Variants in NME8 observed in about 807,000 individuals in gnomAD.
NME8 encodes protein NME8.
Under a neutral mutation model 82.3 loss-of-function variants are expected in NME8, and 72 were observed. The observed-to-expected ratio is 0.87, with a 90% CI of 0.72 to 1.06. The LOEUF is 1.06. NME8 is among the 50% of genes least tolerant of loss of function. The pLI, the probability that NME8 is intolerant of heterozygous loss-of-function variation, is 0.00. For synonymous variants in NME8, 267 were observed against 228.5 expected (o/e 1.17, Z -1.52); for missense variants, 712 against 685.4 (o/e 1.04, Z -0.43).
intron 15 of NME8, 28 bp downstream of exon 15, chr7:37,888,456 T>C (rs753336450): frequency 2.3e-5 from 36 of 1,594,824 alleles, no homozygotes; most frequent in Non-Finnish European, 2.8e-5. Flanking sequence ...AAAGTGAATG[T>C]ATACATTTTC....
intron 14 of NME8, among the ~76,000 whole-genome samples, chr7:37,886,730 G>C (rs1038528187): frequency 7.2e-5 from 11 of 152,074 alleles, no homozygotes; most frequent in African/African-American, 2.2e-4. Context: ...GACTCAGGCT[G>C]TTTCATTCAA....
intron 2 of NME8, 155 bp from the exon 3 acceptor site, chr7:37,850,105 A>G (rs1784416905): frequency 1.6e-6 from 1 of 643,068 alleles, no homozygotes; most frequent in Admixed American, 2.7e-5. Context: ...ATACACAAAT[A>G]TTTAAGTACA....
Position 37,854,072 on chromosome 7 carries a change from CAT to C in NME8, c.199-3197_199-3196del, listed in dbSNP as rs992993019. On this transcript the variant is annotated intron_variant, in intron 5 of 17. Transcript: ENST00000199447. ...CTAACCCCCCACGTAGTAAAAAATTCATATATGACTTTTGACTCCACCAAAAG... is the reference window on the plus strand; with the variant it reads ...CTAACCCCCCACGTAGTAAAAAATTCATATGACTTTTGACTCCACCAAAAG... Among the ~76,000 whole-genome samples the C allele has an allele frequency of 2.6e-5, 3 of 115,156 alleles. No individual in the cohort carries two copies. In the Admixed American group the frequency reaches 3.2e-4, roughly 12 times the overall value. The allele number at this position is 115,156 out of a possible 152,430, so 75.5% of individuals were successfully genotyped here. A position where few individuals can be genotyped will look rare whatever the true frequency, so the allele number is the denominator to read the frequency against.
intron 11 of NME8, among the ~76,000 whole-genome samples, chr7:37,872,692 G>T (rs1784786082): frequency 6.6e-6 from 1 of 152,140 alleles, no homozygotes; most frequent in South Asian, 2.1e-4. Context: ...CAGGATGAGA[G>T]CAGAAGTCTG....
At chr7:37,850,862 T>C in intron 5 of NME8, 127 bp downstream of exon 5, 1 of 688,486 alleles carries the variant, frequency 1.5e-6, no homozygotes, top group Non-Finnish European at 2.6e-6. Flanking sequence ...TAGTCTTTAC[T>C]TGGCAGTTTT....
intron 11 of NME8, among the ~76,000 whole-genome samples, chr7:37,873,893 C>G (rs1003074411): frequency 4.6e-5 from 7 of 152,200 alleles, no homozygotes; most frequent in African/African-American, 1.7e-4. Flanking sequence ...ATTGCACTTG[C>G]ACTTTAGGTG....
chr7:37,866,082 G>A (rs1405705482), intron 10 of NME8, among the ~76,000 whole-genome samples: 3 of 151,806 alleles, frequency 2.0e-5, no homozygotes. Flanking sequence ...TTTTGTCTGG[G>A]GATATAATAT....
intron 11 of NME8, among the ~76,000 whole-genome samples, chr7:37,873,027 T>A (rs74913863): frequency 0.06 from 9,130 of 152,272 alleles, 379 homozygotes; most frequent in East Asian, 0.12. Flanking sequence ...GATGAAATTA[T>A]TTTTAAGTAC....
intron 17 of NME8, among the ~76,000 whole-genome samples, chr7:37,898,820 A>C (rs10226308): frequency 1.3e-5 from 2 of 152,150 alleles, no homozygotes; most frequent in African/African-American, 4.8e-5. Flanking sequence ...AATGTCATTA[A>C]TAACATTGAT....
chr7:37,882,635 G>A (rs1367388843), intron 12 of NME8, among the ~76,000 whole-genome samples: 6 of 62,150 alleles, frequency 9.7e-5, no homozygotes, highest in Admixed American at 7.7e-4. Flanking sequence ...AAGAAAGAAA[G>A]AAAGAAAGAG....
At chr7:37,884,560 CTG>C in intron 13 of NME8, 113 bp downstream of exon 13, 1 of 869,580 alleles carries the variant, frequency 1.1e-6, no homozygotes, top group Non-Finnish European at 1.9e-6. Flanking sequence ...TAAACATGTT[CTG>C]AGTTTACTTC....
chr7:37,892,421 A>C (rs1194020916), intron 15 of NME8, among the ~76,000 whole-genome samples: 2 of 151,628 alleles, frequency 1.3e-5, no homozygotes, highest in Non-Finnish European at 2.9e-5. Context: ...GACTTACTCA[A>C]TTTTTAGTTA....
At chr7:37,882,484 C>CA (rs952028228) in intron 12 of NME8, among the ~76,000 whole-genome samples, 1 of 132,966 alleles carries the variant, frequency 7.5e-6, no homozygotes, top group Non-Finnish European at 1.6e-5. Context: ...GAGACCCTGT[C>CA]AAAAAAAAGA....
In NME8 at chr7:37,896,858, C is replaced by T. The variant is rs201451742; in HGVS notation, c.1545-12C>T. On this transcript the variant is annotated splice_polypyrimidine_tract_variant and intron_variant, in intron 16 of 17. Coordinates refer to ENST00000199447, the MANE Select transcript of NME8 (RefSeq NM_016616.5). Reference sequence around the variant, plus strand: ...AGTAGGCTGGGTCTTCTGAAAGCACCGTTCTTTGCAGGGGTCCATCTATGG... The same window carrying T: ...AGTAGGCTGGGTCTTCTGAAAGCACTGTTCTTTGCAGGGGTCCATCTATGG... 3.0e-5 allele frequency: 48 copies of T among 1,610,890 alleles called. No individual in the cohort carries two copies. The highest frequency in any genetic ancestry group is 8.0e-5 in the African/African-American group (6 of 74,826).
intron 15 of NME8, among the ~76,000 whole-genome samples, chr7:37,892,044 T>C (rs1311695674): frequency 6.6e-6 from 1 of 151,978 alleles, no homozygotes; most frequent in African/African-American, 2.4e-5. Flanking sequence ...TTTCTTGGAG[T>C]TTCTTGACAG....
At chr7:37,882,641 AAGAGAAAGAAAGAAAGAG>A (rs1562838482) in intron 12 of NME8, among the ~76,000 whole-genome samples, 1 of 125,054 alleles carries the variant, frequency 8.0e-6, no homozygotes. Context: ...GAAAGAAAGA[AAGAGAAAGAAAGAAAGAG>A]AAAGAAAGAA....
At chr7:37,875,979 G>A (rs1162865343) in intron 11 of NME8, among the ~76,000 whole-genome samples, 1 of 152,038 alleles carries the variant, frequency 6.6e-6, no homozygotes, top group African/African-American at 2.4e-5. Context: ...AGGCCGAGAC[G>A]GGCTGATCAC....
At chr7:37,886,469 G>A (rs948168253) in intron 14 of NME8, among the ~76,000 whole-genome samples, 2 of 152,090 alleles carry the variant, frequency 1.3e-5, no homozygotes, top group Non-Finnish European at 2.9e-5. Context: ...CACCACTTAC[G>A]GTTGCTTTAG....
At chr7:37,890,893 A>G (rs1358087163) in intron 15 of NME8, among the ~76,000 whole-genome samples, 2 of 151,970 alleles carry the variant, frequency 1.3e-5, no homozygotes, top group African/African-American at 2.4e-5. Flanking sequence ...GTTGTGGATA[A>G]TGCTGCAATA....
Sources: gnomAD v4.1 joint callset for allele counts (sites outside exome capture counted in the v4.1 genomes callset) on GRCh38, gnomAD v4.1.1 for gene constraint, MANE v1.5 for transcripts, NCBI Gene and HGNC (gene_info 2026-07-23, HGNC 2026-07-21) for gene names.